The following PDSS2 variants were observed in gnomAD, a reference collection of about 807,000 sequenced individuals.
The protein encoded by PDSS2 is decaprenyl diphosphate synthase subunit 2.
A neutral mutation model predicts 44.5 loss-of-function variants in PDSS2; 31 were observed. That is an observed-to-expected ratio of 0.70 (90% CI 0.52 to 0.94). The LOEUF (loss-of-function observed/expected upper bound fraction) is 0.94. Among genes scored for constraint, PDSS2 ranks in the 40% least tolerant of loss-of-function variants. The pLI, the probability that PDSS2 is intolerant of heterozygous loss-of-function variation, is 0.00. For missense variants in PDSS2, 452 were observed against 482.2 expected (o/e 0.94, Z 0.59); for synonymous variants, 157 against 180.3 (o/e 0.87, Z 1.03).
chr6:107,197,335 T>C (rs1464803869), intron 6 of PDSS2, among the ~76,000 whole-genome samples: 1 of 151,854 alleles, frequency 6.6e-6, no homozygotes, highest in Non-Finnish European at 1.5e-5. Context: ...TGTCAAAATA[T>C]GGTACGTGCC....
At chr6:107,321,649 C>G (rs1412106911) in intron 2 of PDSS2, among the ~76,000 whole-genome samples, 6 of 152,176 alleles carry the variant, frequency 3.9e-5, no homozygotes, top group African/African-American at 1.4e-4. Context: ...TCCTTTGAAA[C>G]CAGCTCTACT....
chr6:107,376,705 C>T (rs889665827), intron 1 of PDSS2, among the ~76,000 whole-genome samples: 1 of 151,996 alleles, frequency 6.6e-6, no homozygotes, highest in Non-Finnish European at 1.5e-5. Context: ...CGTCTGCAAA[C>T]AGGGACAATT....
At chr6:107,451,630 C>T (rs895490354) in intron 1 of PDSS2, among the ~76,000 whole-genome samples, 1 of 152,146 alleles carries the variant, frequency 6.6e-6, no homozygotes, top group African/African-American at 2.4e-5. Context: ...AAAGGAAGTG[C>T]TAAACCGTCA....
chr6:107,315,813 A>T (rs1357979015), intron 2 of PDSS2, among the ~76,000 whole-genome samples: 2 of 152,220 alleles, frequency 1.3e-5, no homozygotes, highest in Non-Finnish European at 2.9e-5. Context: ...TAACAGCTAA[A>T]GTGAGAATTC....
intron 2 of PDSS2, among the ~76,000 whole-genome samples, chr6:107,322,961 T>G (rs1777428489): frequency 6.6e-6 from 1 of 152,190 alleles, no homozygotes. Flanking sequence ...GAATCTGCCC[T>G]CTTTGCCTCT....
At chr6:107,316,541 A>G (rs888542617) in intron 2 of PDSS2, among the ~76,000 whole-genome samples, 1 of 152,082 alleles carries the variant, frequency 6.6e-6, no homozygotes, top group Admixed American at 6.6e-5. Flanking sequence ...ATGGATTGTT[A>G]GGTGGTTTTG....
At chr6:107,440,462 T>C (rs556515962) in intron 1 of PDSS2, among the ~76,000 whole-genome samples, 1 of 152,198 alleles carries the variant, frequency 6.6e-6, no homozygotes, top group Non-Finnish European at 1.5e-5. Flanking sequence ...TAGACAAGGT[T>C]CCAGCTAGGA....
chr6:107,199,634 T>A (rs1024431421), intron 6 of PDSS2, among the ~76,000 whole-genome samples: 6 of 152,184 alleles, frequency 3.9e-5, no homozygotes, highest in African/African-American at 1.2e-4. Context: ...TCGTCTACAA[T>A]CTCCCAAGCT....
chr6:107,393,631 T>C (rs1306720260), intron 1 of PDSS2, among the ~76,000 whole-genome samples: 2 of 152,180 alleles, frequency 1.3e-5, no homozygotes, highest in East Asian at 3.8e-4. Context: ...TATGGATTTG[T>C]CTATTTCAGT....
intron 2 of PDSS2, among the ~76,000 whole-genome samples, chr6:107,299,620 T>C (rs1776629091): frequency 6.6e-6 from 1 of 152,178 alleles, no homozygotes; most frequent in South Asian, 2.1e-4. Context: ...GTACTACCAG[T>C]AGCTCCCCTT....
chr6:107,354,753 G>A (rs561194947), intron 1 of PDSS2, among the ~76,000 whole-genome samples: 2 of 152,236 alleles, frequency 1.3e-5, no homozygotes, highest in African/African-American at 4.8e-5. Flanking sequence ...AAGCTAGCTT[G>A]AGGATCCTTA....
At chr6:107,266,887 G>C (rs1483625169) in intron 3 of PDSS2, among the ~76,000 whole-genome samples, 1 of 152,002 alleles carries the variant, frequency 6.6e-6, no homozygotes, top group South Asian at 2.1e-4. Flanking sequence ...TGGGAGTAAA[G>C]CTTCCATTTT....
At chr6:107,203,162 T>C (rs144063600) in intron 6 of PDSS2, among the ~76,000 whole-genome samples, 3 of 152,334 alleles carry the variant, frequency 2.0e-5, no homozygotes, top group African/African-American at 7.2e-5. Context: ...TCAACCTTGA[T>C]GGAGTACTTC....
chr6:107,417,812 CACAT>C (rs920150272), intron 1 of PDSS2, among the ~76,000 whole-genome samples: 3 of 130,480 alleles, frequency 2.3e-5, no homozygotes, highest in South Asian at 2.4e-4. Flanking sequence ...CACACACACA[CACAT>C]ATATACACCT....
At chr6:107,274,285 T>C (rs1393184661) in intron 2 of PDSS2, 58 bp from the exon 3 acceptor site, 5 of 1,341,062 alleles carry the variant, frequency 3.7e-6, no homozygotes, top group African/African-American at 2.9e-5. Context: ...ATCACTAATG[T>C]CTGATTTCAG....
chr6:107,377,270 C>CA (rs1210506394), intron 1 of PDSS2, among the ~76,000 whole-genome samples: 16 of 152,136 alleles, frequency 1.1e-4, no homozygotes, highest in African/African-American at 3.6e-4. Context: ...TTTATGCAGC[C>CA]AAAACACACA....
chr6:107,293,060 T>C (rs6915540), intron 2 of PDSS2, among the ~76,000 whole-genome samples: 3,074 of 152,278 alleles, frequency 0.02, 109 homozygotes, highest in African/African-American at 0.071. Flanking sequence ...TTAAACAGAC[T>C]TGCTCTGGGC....
intron 2 of PDSS2, among the ~76,000 whole-genome samples, chr6:107,301,858 A>T (rs1776704906): frequency 7.8e-6 from 1 of 128,344 alleles, no homozygotes; most frequent in East Asian, 2.7e-4. Flanking sequence ...CGGGAGGTGG[A>T]GGTTGCAGTG....
intron 3 of PDSS2, among the ~76,000 whole-genome samples, chr6:107,253,149 C>T (rs908622259): frequency 2.0e-5 from 3 of 152,240 alleles, no homozygotes; most frequent in Non-Finnish European, 4.4e-5. Flanking sequence ...AATTCTCCTG[C>T]CTCAGCCTCC....
Sources: allele counts gnomAD v4.1 joint callset (sites outside exome capture counted in the v4.1 genomes callset), GRCh38; gene constraint gnomAD v4.1.1; transcripts MANE v1.5; gene names NCBI Gene and HGNC (gene_info 2026-07-23, HGNC 2026-07-21).